Variants in SERBP1 observed in about 807,000 individuals in gnomAD.
SERBP1 encodes SERPINE1 mRNA-binding protein 1.
Under a neutral mutation model 50.2 loss-of-function variants are expected in SERBP1, and 6 were observed. The ratio of observed to expected loss-of-function variants is 0.12; its 90% CI spans 0.07 to 0.24. The LOEUF (loss-of-function observed/expected upper bound fraction) is 0.24. Ranked by LOEUF, SERBP1 falls within the 10% of genes least tolerant of loss-of-function variation. The pLI, the probability that SERBP1 is intolerant of heterozygous loss-of-function variation, is 1.00. For synonymous variants in SERBP1, 168 were observed against 182.8 expected, an observed-to-expected ratio of 0.92 and a Z score of 0.65; for missense variants, 346 against 524.9, an observed-to-expected ratio of 0.66 and a Z score of 3.33.
chr1:67,424,520 A>C (rs1667307615), intron 4 of SERBP1: 1 of 511,076 alleles, frequency 2.0e-6, no homozygotes. Context: ...AGAACAAGGC[A>C]GTTAATTATA....
rs1667538065 is a variant in SERBP1 at position 67,430,348 on chromosome 1, C to A, written c.-48G>T. ...CCTCCACGGATTGCAGCGGGCCGCG[C>A]CGAGCCAAGAGCGCCTGCTTCAGCT... On this transcript the variant is annotated 5_prime_UTR_variant, in exon 1 of 8. Coordinates refer to ENST00000361219, the MANE Select transcript of SERBP1 (RefSeq NM_001018069.2). The A allele has an allele frequency of 6.7e-7, 1 of 1,490,122 alleles. No individual in the cohort carries two copies. Among genetic ancestry groups the A allele is most frequent in the Middle Eastern group, 2.4e-4 (1 of 4,090 alleles). The allele number at this position is 1,490,122 out of a possible 1,614,324, so 92.3% of individuals were successfully genotyped here. A position where few individuals can be genotyped will look rare whatever the true frequency, so the allele number is the denominator to read the frequency against.
chr1:67,429,650 C>A (rs902950144), intron 1 of SERBP1: 3 of 239,312 alleles, frequency 1.3e-5, no homozygotes. Context: ...CACCTCAGTC[C>A]ATGCGCTCAC....
chr1:67,413,108 T>C lies in SERBP1; in HGVS notation c.*99A>G. ...GTGTGAATGGTATGAATGACAGTCT[T>C]TTTTTTTTTAATTTCTTAGTCGTTT... On this transcript the variant is annotated 3_prime_UTR_variant, in exon 8 of 8. Coordinates refer to ENST00000361219, the MANE Select transcript of SERBP1 (RefSeq NM_001018069.2). 1 of 1,346,182 alleles carries C rather than the reference T, an allele frequency of 7.4e-7. No homozygotes were observed. The highest frequency in any genetic ancestry group is 1.6e-5 in the African/African-American group (1 of 64,420). 83.4% of individuals were successfully genotyped at this position (1,346,182 alleles called of 1,614,324 possible).
chr1:67,420,225 C>A, intron 5 of SERBP1, 39 bp from the exon 6 acceptor site: 2 of 1,403,316 alleles, frequency 1.4e-6, no homozygotes, highest in South Asian at 1.3e-5. Context: ...TGGTAGAGAG[C>A]TGATATTACA....
rs191743007 is a variant in SERBP1, at chr1:67,411,033, T to C, written c.*2174A>G. 12 of 152,256 alleles carry C rather than the reference T, an allele frequency of 7.9e-5. No homozygotes were observed. The East Asian group carries it at 2.1e-3, about 27-fold the overall frequency. 9.4% of individuals were successfully genotyped at this position (152,256 alleles called of 1,614,324 possible). A position where few individuals can be genotyped will look rare whatever the true frequency, so the allele number is the denominator to read the frequency against. On this transcript the variant is annotated 3_prime_UTR_variant, in exon 8 of 8. Coordinates refer to ENST00000361219, the MANE Select transcript of SERBP1 (RefSeq NM_001018069.2). ...CAATAAACATGATCCTATTTGATTG[T>C]TTTTATGACTTTTAAGAAGTGAGCA... is the stretch of plus-strand genomic sequence containing the variant.
Position 67,425,195 on chromosome 1 carries a change from G to A in SERBP1, c.493C>T (p.Arg165Cys), listed in dbSNP as rs1329844132. ...RPIIDRPIRGRGGLGRGRGGR... is the reference protein window; with the variant it reads ...RPIIDRPIRGCGGLGRGRGGR... The stretch of plus-strand genomic sequence containing the variant: ...CCTCGACCTCTTCCAAGACCACCAC[G>A]ACCTCGAATAGGTCGGTCAATAATC... The change falls in exon 3 of 8, where the codon CGT becomes TGT. Residue 165 changes from arginine to cysteine, a missense_variant. Arg to Cys is a radical substitution (Grantham distance 180). Transcript: ENST00000361219. 1 of 1,609,066 alleles carries A rather than the reference G, an allele frequency of 6.2e-7. No homozygotes were observed. Among genetic ancestry groups the A allele is most frequent in the Non-Finnish European group, 8.5e-7 (1 of 1,178,954 alleles).
At chr1:67,429,854 G>C in intron 1 of SERBP1, 134 bp downstream of exon 1, 1 of 1,027,118 alleles carries the variant, frequency 9.7e-7, no homozygotes, top group Admixed American at 2.5e-5. Flanking sequence ...GACTTTTGTC[G>C]CGTGAAGAAA....
intron 1 of SERBP1, among the ~76,000 whole-genome samples, chr1:67,428,257 T>C (rs1414881635): frequency 6.6e-6 from 1 of 152,258 alleles, no homozygotes; most frequent in Non-Finnish European, 1.5e-5. Context: ...AAAGACTCAT[T>C]GAACGGTGAA....
chr1:67,418,238 A>C (rs1667088640), intron 6 of SERBP1, among the ~76,000 whole-genome samples: 1 of 151,850 alleles, frequency 6.6e-6, no homozygotes, highest in Admixed American at 6.6e-5. Context: ...GTCTCCCAAA[A>C]GTGCTGGGAT....
Position 67,412,915 on chromosome 1 carries a change from T to A in SERBP1, c.*292A>T, listed in dbSNP as rs1666887340. On this transcript the variant is annotated 3_prime_UTR_variant, in exon 8 of 8. Transcript: ENST00000361219. Reference sequence around the variant, plus strand: ...TATATTTCAAGTTTGGAAATGCATATTTGCAAGCAGCAATACAAAAGTATT... The same window carrying A: ...TATATTTCAAGTTTGGAAATGCATAATTGCAAGCAGCAATACAAAAGTATT... The A allele has an allele frequency of 4.9e-6, 2 of 405,576 alleles. No homozygotes were observed. Among genetic ancestry groups the A allele is most frequent in the African/African-American group, 4.3e-5 (2 of 46,878 alleles). 25.1% of individuals were successfully genotyped at this position (405,576 alleles called of 1,614,324 possible). A position where few individuals can be genotyped will look rare whatever the true frequency, so the allele number is the denominator to read the frequency against.
At position 67,420,165 on chromosome 1, in the gene SERBP1, T is replaced by C. The variant is rs769003693; in HGVS notation, c.795A>G (p.Val265=). Residue 265 remains valine (V), a synonymous_variant, in exon 6 of 8, where the codon GTA becomes GTG. Coordinates refer to ENST00000361219, the MANE Select transcript of SERBP1 (RefSeq NM_001018069.2). ...TENKENEVEE[V]KEEGPKEMTL... is the part of the protein sequence containing the mutation. ...TCATCTCTTTTGGACCCTCCTCTTT[T>C]ACCTCTTCAACTTCATTCTCCCTGT... 2 of 1,611,812 alleles carry C rather than the reference T, an allele frequency of 1.2e-6. No homozygotes were observed. Among genetic ancestry groups the C allele is most frequent in the Non-Finnish European group, 8.5e-7 (1 of 1,179,354 alleles).
intron 6 of SERBP1, among the ~76,000 whole-genome samples, chr1:67,417,971 G>GTT (rs397861816): frequency 0.049 from 3,746 of 76,768 alleles, 352 homozygotes; most frequent in African/African-American, 0.09. Flanking sequence ...TTAAAGTGTT[G>GTT]TTTTTTTTTT....
chr1:67,423,739 G>C (rs1667281697), intron 5 of SERBP1, among the ~76,000 whole-genome samples: 1 of 152,042 alleles, frequency 6.6e-6, no homozygotes, highest in Non-Finnish European at 1.5e-5. Flanking sequence ...TAGAACTAAT[G>C]TTAAAATGGC....
chr1:67,425,756 T>G (rs1239899415), intron 2 of SERBP1, among the ~76,000 whole-genome samples: 1 of 152,174 alleles, frequency 6.6e-6, no homozygotes, highest in Non-Finnish European at 1.5e-5. Context: ...CTGTGAAAAA[T>G]TAATAGAAAC....
In SERBP1 at chr1:67,426,215, T is replaced by G. The variant is rs751709360; in HGVS notation, c.384A>C (p.Pro128=). 1 of 1,611,182 alleles carries G rather than the reference T, an allele frequency of 6.2e-7. No individual in the cohort carries two copies. Residue 128 remains proline (P), a synonymous_variant, in exon 2 of 8, where the codon CCA becomes CCC. Coordinates refer to ENST00000361219, the MANE Select transcript of SERBP1 (RefSeq NM_001018069.2). Reference sequence around the variant, plus strand: ...TTCGTTCACGAGGTGGTCGCCTTTCTGGTCTTCTATCAATTATTTTCCCTT... The same window carrying G: ...TTCGTTCACGAGGTGGTCGCCTTTCGGGTCTTCTATCAATTATTTTCCCTT... ...QGEGKIIDRR[P]ERRPPRERRF...
At chr1:67,415,366 G>A in intron 6 of SERBP1, 27 bp from the exon 7 acceptor site, 1 of 1,511,320 alleles carries the variant, frequency 6.6e-7, no homozygotes, top group South Asian at 1.3e-5. Flanking sequence ...AGATGATTGT[G>A]TTATTAGTAG....
chr1:67,424,799 T>C (rs773715516), intron 4 of SERBP1, 89 bp downstream of exon 4: 3 of 987,624 alleles, frequency 3.0e-6, no homozygotes, highest in South Asian at 1.3e-5. Context: ...AGAGCATTCA[T>C]TCTTATCTCA....
chr1:67,422,346 T>C (rs560722431), intron 5 of SERBP1, among the ~76,000 whole-genome samples: 2 of 151,910 alleles, frequency 1.3e-5, no homozygotes, highest in South Asian at 4.2e-4. Flanking sequence ...AACCCATCTC[T>C]ACTAAAAATA....
At chr1:67,428,126 T>G (rs1321762206) in intron 1 of SERBP1, among the ~76,000 whole-genome samples, 1 of 152,220 alleles carries the variant, frequency 6.6e-6, no homozygotes, top group Non-Finnish European at 1.5e-5. Context: ...AAACGGGTAT[T>G]GTCCATTCAA....
Sources: gnomAD v4.1 joint callset for allele counts (sites outside exome capture counted in the v4.1 genomes callset) on GRCh38, gnomAD v4.1.1 for gene constraint, MANE v1.5 for transcripts, NCBI Gene and HGNC (gene_info 2026-07-23, HGNC 2026-07-21) for gene names.